CSE1L: variants seen among roughly 807,000 people sequenced by gnomAD.
The protein encoded by CSE1L is chromosome segregation 1 like.
CSE1L carries 24 observed loss-of-function variants against 120.4 expected under a neutral mutation model. That is an observed-to-expected ratio of 0.20 (90% CI 0.14 to 0.28). The LOEUF is 0.28. Among genes scored for constraint, CSE1L ranks in the 10% least tolerant of loss-of-function variants. CSE1L has a pLI of 1.00. For synonymous variants in CSE1L, 402 were observed against 398.3 expected (o/e 1.01, Z -0.11); for missense variants, 830 against 1,145.2 (o/e 0.72, Z 3.97).
intron 17 of CSE1L, among the ~76,000 whole-genome samples, chr20:49,088,782 G>A (rs1371900772): frequency 6.6e-6 from 1 of 152,146 alleles, no homozygotes; most frequent in Non-Finnish European, 1.5e-5. Flanking sequence ...CCTCCCATAT[G>A]TATTACCATC....
intron 2 of CSE1L, among the ~76,000 whole-genome samples, chr20:49,059,649 G>T (rs1320711718): frequency 1.3e-5 from 2 of 152,168 alleles, no homozygotes; most frequent in Non-Finnish European, 2.9e-5. Context: ...GGAGGCCGAG[G>T]TGGGCAGATC....
intron 14 of CSE1L, among the ~76,000 whole-genome samples, chr20:49,083,277 C>T (rs2092028604): frequency 6.6e-6 from 1 of 152,202 alleles, no homozygotes; most frequent in Non-Finnish European, 1.5e-5. Context: ...CCTCGGCCTC[C>T]CAAAGTGCTG....
chr20:49,077,776 C>T (rs1020303381), intron 13 of CSE1L, among the ~76,000 whole-genome samples: 15 of 152,102 alleles, frequency 9.9e-5, no homozygotes, highest in African/African-American at 3.6e-4. Context: ...GAGACTGAGG[C>T]GGGAGGATCG....
At chr20:49,055,138 G>T (rs1600586708) in intron 1 of CSE1L, among the ~76,000 whole-genome samples, 1 of 152,232 alleles carries the variant, frequency 6.6e-6, no homozygotes, top group South Asian at 2.1e-4. Context: ...GTAGCACCCT[G>T]TAATCAAACG....
chr20:49,072,550 T>A lies in CSE1L; in HGVS notation c.937-18T>A. The A allele has an allele frequency of 1.2e-6, 2 of 1,604,724 alleles. No homozygotes were observed. Among genetic ancestry groups the A allele is most frequent in the Non-Finnish European group, 1.7e-6 (2 of 1,175,176 alleles). On this transcript the variant is annotated intron_variant, in intron 9 of 24. Coordinates refer to ENST00000262982, the MANE Select transcript of CSE1L (RefSeq NM_001316.4). Reference sequence around the variant, plus strand: ...GTTTTGCTTTTAAAAATATTCTTGTTTTTGTGTTTTGTTCCAGTTGGTAAG... The same window carrying A: ...GTTTTGCTTTTAAAAATATTCTTGTATTTGTGTTTTGTTCCAGTTGGTAAG...
intron 13 of CSE1L, among the ~76,000 whole-genome samples, 198 bp downstream of exon 13, chr20:49,077,262 C>T (rs1236710475): frequency 1.3e-5 from 2 of 149,998 alleles, no homozygotes; most frequent in African/African-American, 4.9e-5. Context: ...TGGGTTCAAG[C>T]GATTCTCCTG....
chr20:49,080,792 G>T (rs1349912468), intron 14 of CSE1L, among the ~76,000 whole-genome samples: 2 of 151,952 alleles, frequency 1.3e-5, no homozygotes, highest in Non-Finnish European at 2.9e-5. Flanking sequence ...ATTTATTTTT[G>T]AGACAAAGTC....
intron 16 of CSE1L, among the ~76,000 whole-genome samples, chr20:49,087,440 CT>C (rs2092068950): frequency 6.6e-6 from 1 of 150,628 alleles, no homozygotes; most frequent in Non-Finnish European, 1.5e-5. Context: ...TCACTGCAAC[CT>C]CCACTTCCCA....
chr20:49,090,619 ATAAT>A lies in CSE1L; in HGVS notation c.2182-119_2182-116del, dbSNP rs557665029. The A allele has an allele frequency of 2.3e-4, 169 of 746,572 alleles. No individual in the cohort carries two copies. The African/African-American group carries it at 2.5e-3, about 11-fold the overall frequency. The allele number at this position is 746,572 out of a possible 1,614,324, so 46.2% of individuals were successfully genotyped here. On this transcript the variant is annotated intron_variant, in intron 19 of 24. Coordinates refer to ENST00000262982, the MANE Select transcript of CSE1L (RefSeq NM_001316.4). The stretch of plus-strand genomic sequence containing the variant: ...GAATTGTTCCCCATATGTTTCAGAA[ATAAT>A]TAAAGAGAAAAGGATAGATTATTAC...
intron 22 of CSE1L, among the ~76,000 whole-genome samples, chr20:49,092,788 C>T (rs1327501097): frequency 6.6e-6 from 1 of 151,776 alleles, no homozygotes; most frequent in Non-Finnish European, 1.5e-5. Flanking sequence ...GCACGTTGTG[C>T]ACATGTACCC....
At chr20:49,081,801 C>T (rs1300430640) in intron 14 of CSE1L, among the ~76,000 whole-genome samples, 1 of 151,966 alleles carries the variant, frequency 6.6e-6, no homozygotes, top group Non-Finnish European at 1.5e-5. Flanking sequence ...ATGTCTTTGC[C>T]CAGTAACAAT....
At position 49,088,209 on chromosome 20, in the gene CSE1L, T is replaced by C; in HGVS notation, c.1821+103T>C. 7.7e-6 allele frequency: 6 copies of C among 777,306 alleles called. No individual in the cohort carries two copies. The South Asian group carries it at 9.6e-5, about 12-fold the overall frequency. The allele number at this position is 777,306 out of a possible 1,614,324, so 48.2% of individuals were successfully genotyped here. ...TACGTGAAGCTTTAGAGAAGGTCTG[T>C]GAATTCTTCCTGACCAGCCACTAAT... On this transcript the variant is annotated intron_variant, in intron 17 of 24. Transcript: ENST00000262982.
chr20:49,085,320 C>G lies in CSE1L; in HGVS notation c.1657C>G (p.Leu553Val), dbSNP rs2092046781. Residue 553 changes from leucine (L) to valine (V), a missense_variant, in exon 16 of 25, where the codon CTG becomes GTG. Transcript: ENST00000262982. ...AGAAATCGCACCGTTTGTTGAGATTCTGCTAACAAACCTTTTCAAAGCTCT... is the reference window on the plus strand; with the variant it reads ...AGAAATCGCACCGTTTGTTGAGATTGTGCTAACAAACCTTTTCAAAGCTCT... ...AAEIAPFVEI[L>V]LTNLFKALTL... 2 of 1,613,770 alleles carry G rather than the reference C, an allele frequency of 1.2e-6. No individual in the cohort carries two copies. The highest frequency in any genetic ancestry group is 2.7e-5 in the African/African-American group (2 of 74,870).
chr20:49,095,747 G>A (rs1310538661), intron 24 of CSE1L, among the ~76,000 whole-genome samples: 2 of 152,038 alleles, frequency 1.3e-5, no homozygotes, highest in African/African-American at 4.8e-5. Context: ...TATTTTTCAA[G>A]CCAGACACAG....
intron 22 of CSE1L, 70 bp from the exon 23 acceptor site, chr20:49,094,070 A>G: frequency 1.1e-6 from 1 of 942,030 alleles, no homozygotes; most frequent in Non-Finnish European, 1.6e-6. Flanking sequence ...GAAGTAACTA[A>G]CATCTAAGCA....
Position 49,068,619 on chromosome 20 carries a change from T to A in CSE1L, c.568-96T>A, listed in dbSNP as rs969953413. The A allele has an allele frequency of 7.5e-5, 60 of 803,498 alleles. No homozygotes were observed. In the African/African-American group the frequency reaches 9.6e-4, roughly 13 times the overall value. 49.8% of individuals were successfully genotyped at this position (803,498 alleles called of 1,614,324 possible). On this transcript the variant is annotated intron_variant, in intron 6 of 24. Transcript: ENST00000262982. Reference sequence around the variant, plus strand: ...GTCTCAAAAAAATAAATAAGTAAAATATGAATAGTCTCAGCTTAGTGCAAG... The same window carrying A: ...GTCTCAAAAAAATAAATAAGTAAAAAATGAATAGTCTCAGCTTAGTGCAAG...
At chr20:49,066,547 C>A (rs1056114675) in intron 5 of CSE1L, 37 bp downstream of exon 5, 6 of 1,555,722 alleles carry the variant, frequency 3.9e-6, no homozygotes, top group Non-Finnish European at 5.2e-6. Flanking sequence ...AAAATACTTT[C>A]TAAAGTTTTA....
chr20:49,080,173 C>T (rs148118823), intron 14 of CSE1L, among the ~76,000 whole-genome samples: 2 of 151,404 alleles, frequency 1.3e-5, no homozygotes, highest in East Asian at 3.9e-4. Context: ...ATTCCTTGGT[C>T]GGGGGTGACA....
At chr20:49,058,226 T>A (rs1359730081) in intron 1 of CSE1L, among the ~76,000 whole-genome samples, 2 of 151,936 alleles carry the variant, frequency 1.3e-5, no homozygotes, top group Non-Finnish European at 2.9e-5. Context: ...AATTTTGGGA[T>A]TTTTTTTCAT....
Sources: allele counts gnomAD v4.1 joint callset (sites outside exome capture counted in the v4.1 genomes callset), GRCh38; gene constraint gnomAD v4.1.1; transcripts MANE v1.5; gene names NCBI Gene and HGNC (gene_info 2026-07-23, HGNC 2026-07-21).